The following MTAP variants were observed in gnomAD, a reference collection of about 807,000 sequenced individuals.
MTAP encodes S-methyl-5'-thioadenosine phosphorylase.
MTAP carries 33 observed loss-of-function variants against 33.6 expected under a neutral mutation model. That is an observed-to-expected ratio of 0.98 (90% CI 0.74 to 1.31). The LOEUF (loss-of-function observed/expected upper bound fraction) is 1.31. Ranked by LOEUF, MTAP falls within the 40% of genes most tolerant of loss-of-function variation. The pLI is 0.00. For synonymous variants in MTAP, 148 were observed against 125.7 expected (o/e 1.18, Z -1.19); for missense variants, 367 against 360.0 (o/e 1.02, Z -0.16).
rs149737179 is a variant in MTAP at position 21,840,623 on chromosome 9, C to T, written c.450+2613C>T. On this transcript the variant is annotated intron_variant, in intron 5 of 7. Transcript: ENST00000644715. ...AGTCTCCAGCTTGAGTCCAGGGAAG[C>T]CAGCCCTGACTATATCTCACAGTGG... 3.0e-3 allele frequency among the ~76,000 whole-genome samples: 458 copies of T among 152,298 alleles called. 1 individual carries two copies. Among genetic ancestry groups the T allele is most frequent in the African/African-American group, 0.01 (431 of 41,554 alleles).
chr9:21,804,678 G>T (rs1201624398), intron 1 of MTAP, among the ~76,000 whole-genome samples: 1 of 151,462 alleles, frequency 6.6e-6, no homozygotes, highest in Non-Finnish European at 1.5e-5. Flanking sequence ...GAGCAAAATA[G>T]GTTAATAAAA....
At position 21,816,638 on chromosome 9, in the gene MTAP, T is replaced by C. The variant is rs10114559; in HGVS notation, c.121-76T>C. ...GACTCTTCAGATTCCATGAGTCCTG[T>C]TGTGGTTGAACAATTATAATTTACA... On this transcript the variant is annotated intron_variant, in intron 2 of 7. Transcript: ENST00000644715. 0.4 allele frequency: 508,625 copies of C among 1,272,456 alleles called. 106,373 individuals are homozygous for C. Among genetic ancestry groups the C allele is most frequent in the Non-Finnish European group, 0.43 (381,651 of 889,678 alleles). The allele number at this position is 1,272,456 out of a possible 1,614,324, so 78.8% of individuals were successfully genotyped here.
chr9:21,814,037 C>G (rs1824416340), intron 1 of MTAP, among the ~76,000 whole-genome samples: 1 of 152,158 alleles, frequency 6.6e-6, no homozygotes, highest in African/African-American at 2.4e-5. Flanking sequence ...TAATAATATA[C>G]CTCCACAAGA....
intron 1 of MTAP, among the ~76,000 whole-genome samples, chr9:21,904,910 T>C (rs935968488): frequency 6.6e-6 from 1 of 152,196 alleles, no homozygotes; most frequent in Non-Finnish European, 1.5e-5. Flanking sequence ...TGTTCTCTTA[T>C]CCTTCTCACA....
intron 7 of MTAP, chr9:21,861,347 A>G (rs1189603690): frequency 6.6e-6 from 1 of 152,650 alleles, no homozygotes; most frequent in Admixed American, 6.5e-5. Context: ...ACATACATAC[A>G]TATACACACA....
rs1436228123 is a variant in MTAP, at chr9:21,854,648, T to C, written c.468T>C (p.Ala156=). 6.3e-7 allele frequency: 1 copy of C among 1,594,538 alleles called. No individual in the cohort carries two copies. The highest frequency in any genetic ancestry group is 8.5e-7 in the Non-Finnish European group (1 of 1,170,552). The change falls in exon 6 of 8, where the codon GCT becomes GCC. Residue 156 remains alanine, a synonymous_variant. Coordinates refer to ENST00000644715, the MANE Select transcript of MTAP (RefSeq NM_002451.4). The part of the protein sequence containing the change: ...PKTREVLIET[A]KKLGLRCHSK... Reference sequence around the variant, plus strand: ...TTTTCTAGGTTCTTATAGAGACTGCTAAGAAGCTAGGACTCCGGTGCCACT... The same window carrying C: ...TTTTCTAGGTTCTTATAGAGACTGCCAAGAAGCTAGGACTCCGGTGCCACT...
At chr9:21,924,197 G>A (rs1326559617) in intron 1 of MTAP, among the ~76,000 whole-genome samples, 1 of 152,150 alleles carries the variant, frequency 6.6e-6, no homozygotes, top group East Asian at 1.9e-4. Flanking sequence ...GTTCAGGAAA[G>A]GATAATAGGG....
At chr9:21,890,181 TG>T (rs1317460287) in intron 1 of MTAP, among the ~76,000 whole-genome samples, 1 of 152,064 alleles carries the variant, frequency 6.6e-6, no homozygotes, top group Non-Finnish European at 1.5e-5. Context: ...AGGTGGATTA[TG>T]GCTGCCTCTC....
intron 1 of MTAP, chr9:21,812,089 G>C (rs759610574): frequency 1.7e-4 from 41 of 236,244 alleles, no homozygotes; most frequent in Non-Finnish European, 2.9e-4. Context: ...TGCCAAGTGG[G>C]CTCACGCACC....
chr9:21,928,445 C>G (rs1818902264), intron 1 of MTAP, among the ~76,000 whole-genome samples: 1 of 152,130 alleles, frequency 6.6e-6, no homozygotes, highest in Non-Finnish European at 1.5e-5. Flanking sequence ...TACCCACATG[C>G]CACAGGTGTA....
At chr9:21,939,874 C>T (rs530710375), downstream of MTAP, among the ~76,000 whole-genome samples, 9 of 151,636 alleles carry the variant, frequency 5.9e-5, no homozygotes, top group Admixed American at 5.9e-4. Context: ...CAGAGTGAGA[C>T]TCTGTCTCAA....
At position 21,802,687 on chromosome 9, in the gene MTAP, G is replaced by A; in HGVS notation, c.-62G>A. The A allele has an allele frequency of 1.3e-6, 2 of 1,573,348 alleles. No homozygotes were observed. The highest frequency in any genetic ancestry group is 1.7e-6 in the Non-Finnish European group (2 of 1,159,534). On this transcript the variant is annotated 5_prime_UTR_variant, in exon 1 of 8. Coordinates refer to ENST00000644715, the MANE Select transcript of MTAP (RefSeq NM_002451.4). ...GAGGTTGGCACAGCCACCGCTCTGTGGCTCGCTTGGTTCCCTTAGTCCCGA... is the reference window on the plus strand; with the variant it reads ...GAGGTTGGCACAGCCACCGCTCTGTAGCTCGCTTGGTTCCCTTAGTCCCGA...
In MTAP at chr9:21,863,082, G is replaced by T. The variant is rs1364958028; in HGVS notation, c.*1068G>T. On this transcript the variant is annotated 3_prime_UTR_variant, in exon 8 of 8. Coordinates refer to ENST00000644715, the MANE Select transcript of MTAP (RefSeq NM_002451.4). ...CATTGATTTCTGTACAGTCAGAACAGTACTTGGGTTTGCAACAGCTTTCTG... is the reference window on the plus strand; with the variant it reads ...CATTGATTTCTGTACAGTCAGAACATTACTTGGGTTTGCAACAGCTTTCTG... 3.0e-6 allele frequency: 3 copies of T among 985,196 alleles called. No homozygotes were observed. The Admixed American group carries it at 1.8e-4, about 61-fold the overall frequency. 61.0% of individuals were successfully genotyped at this position (985,196 alleles called of 1,614,324 possible).
At chr9:21,901,679 G>C (rs1410576666) in intron 1 of MTAP, among the ~76,000 whole-genome samples, 1 of 152,110 alleles carries the variant, frequency 6.6e-6, no homozygotes, top group Non-Finnish European at 1.5e-5. Flanking sequence ...AGCTATAAGG[G>C]CAAAGGAAAA....
At chr9:21,822,219 G>A (rs1220490731) in intron 4 of MTAP, among the ~76,000 whole-genome samples, 7 of 152,080 alleles carry the variant, frequency 4.6e-5, no homozygotes, top group Admixed American at 4.6e-4. Context: ...TCATTGTGAT[G>A]TTAGGGTGTC....
At chr9:21,817,598 T>A in intron 3 of MTAP, among the ~76,000 whole-genome samples, 1 of 152,034 alleles carries the variant, frequency 6.6e-6, no homozygotes, top group African/African-American at 2.4e-5. Context: ...CTTCTTGCTA[T>A]TAGGATATGG....
chr9:21,827,485 A>C (rs144571213), intron 4 of MTAP, among the ~76,000 whole-genome samples: 324 of 152,352 alleles, frequency 2.1e-3, no homozygotes, highest in African/African-American at 7.6e-3. Context: ...TCTGTAGGTC[A>C]GAAATGGTTG....
At position 21,929,363 on chromosome 9, in the gene MTAP, C is replaced by T. The variant is rs79250524; in HGVS notation, c.148-1645C>T. 630 of 157,910 alleles carry T rather than the reference C, an allele frequency of 4.0e-3. 13 individuals carry two copies. The East Asian group carries it at 0.049, about 12-fold the overall frequency. 9.8% of individuals were successfully genotyped at this position (157,910 alleles called of 1,614,324 possible). ...CTAACAATTGTTATGATTATTATCA[C>T]TATTTTAATCCCAACTTGTACACCA... On this transcript the variant is annotated intron_variant, in intron 1 of 1. Coordinates refer to the MTAP transcript ENST00000577563.
intron 1 of MTAP, chr9:21,892,726 A>C (rs921969063): frequency 2.6e-5 from 4 of 152,228 alleles, no homozygotes; most frequent in African/African-American, 9.6e-5. Context: ...ATTGAGGCAG[A>C]GAATTAACAA....
Sources: gnomAD v4.1 joint callset for allele counts (sites outside exome capture counted in the v4.1 genomes callset) on GRCh38, gnomAD v4.1.1 for gene constraint, MANE v1.5 for transcripts, NCBI Gene and HGNC (gene_info 2026-07-23, HGNC 2026-07-21) for gene names.